Variants in ATP2B4 observed in about 807,000 individuals in gnomAD.
ATP2B4 encodes ATPase plasma membrane Ca2+ transporting 4, also known as plasma membrane calcium-transporting ATPase 4.
Under a neutral mutation model 110.3 loss-of-function variants are expected in ATP2B4, and 39 were observed. That is an observed-to-expected ratio of 0.35 (90% CI 0.27 to 0.46). The LOEUF (loss-of-function observed/expected upper bound fraction) is 0.46. Among genes scored for constraint, ATP2B4 ranks in the 20% least tolerant of loss-of-function variants. The probability of loss-of-function intolerance (pLI) is 1.00; values close to 1 mark genes in which losing one functional copy is unlikely to be tolerated. For missense variants in ATP2B4, 1,135 were observed against 1,530.9 expected (o/e 0.74, Z 4.32); for synonymous variants, 538 against 571.7 (o/e 0.94, Z 0.84).
intron 1 of ATP2B4, among the ~76,000 whole-genome samples, chr1:203,630,242 C>G (rs375114152): frequency 6.6e-6 from 1 of 152,110 alleles, no homozygotes; most frequent in Non-Finnish European, 1.5e-5. Flanking sequence ...CCGAGAGGAA[C>G]GGGGTCTGGG....
chr1:203,664,197 A>G (rs566030065), intron 1 of ATP2B4, among the ~76,000 whole-genome samples: 1 of 152,306 alleles, frequency 6.6e-6, no homozygotes, highest in South Asian at 2.1e-4. Context: ...TCTTGCTGAC[A>G]CCACTTAAAA....
chr1:203,727,521 C>T lies in ATP2B4; in HGVS notation c.3259C>T (p.Arg1087Cys), dbSNP rs771836554. 12 of 1,614,092 alleles carry T rather than the reference C, an allele frequency of 7.4e-6. No individual in the cohort carries two copies. The highest frequency in any genetic ancestry group is 1.0e-5 in the Non-Finnish European group (12 of 1,180,036). Residue 1087 changes from arginine (R) to cysteine (C), a missense_variant, in exon 20 of 21, where the codon CGC (arginine) becomes TGC (cysteine). By Grantham distance (180) the Arg-to-Cys change is radical (BLOSUM62 -3). Coordinates refer to ENST00000357681, the MANE Select transcript of ATP2B4 (RefSeq NM_001684.5). ...GATTGACCATGCTGAGATGGAGCTG[C>T]GCCGAGGCCAGATCCTCTGGTTCCG... Reference protein sequence around the residue: ...DEIDHAEMELRRGQILWFRGL... With the variant: ...DEIDHAEMELCRGQILWFRGL...
intron 6 of ATP2B4, 102 bp from the exon 7 acceptor site, chr1:203,701,942 C>A: frequency 1.6e-6 from 2 of 1,225,814 alleles, no homozygotes; most frequent in Non-Finnish European, 2.4e-6. Flanking sequence ...AACCCAAACA[C>A]TTTGCTGTTG....
chr1:203,699,354 C>T, intron 3 of ATP2B4, 106 bp from the exon 4 acceptor site: 1 of 1,464,408 alleles, frequency 6.8e-7, no homozygotes, highest in Non-Finnish European at 9.3e-7. Context: ...TGCTATTATT[C>T]ACTTTTCCTG....
rs1420577372 is a variant in ATP2B4 at position 203,676,889 on chromosome 1, C to T, written c.-464-5853C>T. 2.6e-5 allele frequency among the ~76,000 whole-genome samples: 4 copies of T among 152,106 alleles called. No homozygotes were observed. In the East Asian group the frequency reaches 7.7e-4, roughly 29 times the overall value. On this transcript the variant is annotated intron_variant, in intron 1 of 20. Coordinates refer to ENST00000357681, the MANE Select transcript of ATP2B4 (RefSeq NM_001684.5). ...AAAAAGCTTTGAGTCTATCCCTATG[C>T]CTTCCCAGAAAGTTTACAAGAGGTA...
intron 1 of ATP2B4, among the ~76,000 whole-genome samples, chr1:203,637,258 C>T (rs1373071000): frequency 2.0e-5 from 3 of 151,968 alleles, no homozygotes; most frequent in South Asian, 2.1e-4. Context: ...GGTGAAGCCC[C>T]GTCTCTACTA....
chr1:203,653,985 A>AT lies in ATP2B4; in HGVS notation c.-465+26781dup, dbSNP rs1218633538. ...AATATATATATATATATATATATAT[A>AT]TTTTTTTTTTTTTTTGAGATGGAGT... On this transcript the variant is annotated intron_variant, in intron 1 of 20. Transcript: ENST00000357681. Among the ~76,000 whole-genome samples the AT allele has an allele frequency of 3.0e-3, 334 of 112,396 alleles. 3 individuals carry two copies. Among genetic ancestry groups the AT allele is most frequent in the African/African-American group, 0.013 (321 of 25,532 alleles). The allele number at this position is 112,396 out of a possible 152,430, so 73.7% of individuals were successfully genotyped here. A position where few individuals can be genotyped will look rare whatever the true frequency, so the allele number is the denominator to read the frequency against.
chr1:203,639,237 A>G (rs941139082), intron 1 of ATP2B4, among the ~76,000 whole-genome samples: 2 of 152,242 alleles, frequency 1.3e-5, no homozygotes, highest in Admixed American at 6.5e-5. Flanking sequence ...ATAATGTGAC[A>G]GCACAGGCTG....
intron 11 of ATP2B4, 68 bp downstream of exon 11, chr1:203,709,610 C>T: frequency 6.3e-7 from 1 of 1,595,282 alleles, no homozygotes; most frequent in Non-Finnish European, 8.6e-7. Context: ...GTGCACACCC[C>T]ACACTGAACC....
At chr1:203,660,022 C>T (rs1664286043) in intron 1 of ATP2B4, among the ~76,000 whole-genome samples, 2 of 149,560 alleles carry the variant, frequency 1.3e-5, no homozygotes, top group Non-Finnish European at 3.0e-5. Context: ...CTGGAGGTTG[C>T]AGTGAGCCAA....
intron 2 of ATP2B4, among the ~76,000 whole-genome samples, chr1:203,691,840 T>A (rs1176702014): frequency 6.6e-6 from 1 of 152,134 alleles, no homozygotes; most frequent in African/African-American, 2.4e-5. Flanking sequence ...CTCCTCCCCC[T>A]CAGTCCCCAA....
intron 2 of ATP2B4, among the ~76,000 whole-genome samples, chr1:203,686,142 A>G (rs7551560): frequency 0.83 from 126,652 of 152,138 alleles, 53,547 homozygotes; most frequent in East Asian, 1. Context: ...TTCTTTATTC[A>G]GTCACTTTTA....
At chr1:203,657,410 C>T (rs1465254133) in intron 1 of ATP2B4, 2 of 759,710 alleles carry the variant, frequency 2.6e-6, no homozygotes, top group African/African-American at 1.7e-5. Flanking sequence ...TTCCCACCTT[C>T]TCTTTTCATT....
intron 1 of ATP2B4, among the ~76,000 whole-genome samples, chr1:203,654,076 C>A (rs750933077): frequency 4.7e-5 from 7 of 149,026 alleles, no homozygotes; most frequent in Non-Finnish European, 1.0e-4. Flanking sequence ...GTCTGCCTCC[C>A]GTGTTCAAGC....
rs771816695 is a variant in ATP2B4 at position 203,698,223 on chromosome 1, C to G, written c.260C>G (p.Pro87Arg). ...RQVFGHNVIP[P>R]KKPKTFLELV... ...GTGTTTGGACACAACGTGATCCCCC[C>G]CAAAAAGCCCAAGACTTTCTTAGAA... Residue 87 changes from proline to arginine, a missense_variant, in exon 3 of 21, where the codon CCC becomes CGC. Physicochemically the swap from Pro to Arg is moderately radical, Grantham distance 103 (BLOSUM62 -2). Transcript: ENST00000357681. 15 of 1,614,082 alleles carry G rather than the reference C, an allele frequency of 9.3e-6. No individual in the cohort carries two copies. The highest frequency in any genetic ancestry group is 1.7e-5 in the Admixed American group (1 of 60,004).
rs2102386456 is a variant in ATP2B4, at chr1:203,700,876, C to T, written c.854C>T (p.Thr285Ile). ...AACTCTCAGACTGGAATCATCCTTA[C>T]TCTCTTGGGGGTCAATGAGGATGAC... ...GVNSQTGIIL[T>I]LLGVNEDDEG... Residue 285 changes from threonine (T) to isoleucine (I), a missense_variant, in exon 6 of 21, where the codon ACT becomes ATT. By Grantham distance (89) the Thr-to-Ile change is moderately conservative. Coordinates refer to ENST00000357681, the MANE Select transcript of ATP2B4 (RefSeq NM_001684.5). The T allele has an allele frequency of 6.2e-7, 1 of 1,613,762 alleles. No individual in the cohort carries two copies. Among genetic ancestry groups the T allele is most frequent in the African/African-American group, 1.3e-5 (1 of 74,964 alleles).
intron 9 of ATP2B4, 95 bp downstream of exon 9, chr1:203,707,318 T>C: frequency 7.8e-7 from 1 of 1,283,342 alleles, no homozygotes; most frequent in East Asian, 2.4e-5. Flanking sequence ...CATTCTATCA[T>C]CTATAAACTT....
chr1:203,660,787 C>A (rs903055976), intron 1 of ATP2B4, among the ~76,000 whole-genome samples: 3 of 144,054 alleles, frequency 2.1e-5, no homozygotes, highest in Admixed American at 2.1e-4. Flanking sequence ...AAGGGTGAGA[C>A]TCTGTCTCAA....
At chr1:203,664,924 C>T (rs1393762650) in intron 1 of ATP2B4, among the ~76,000 whole-genome samples, 5 of 152,198 alleles carry the variant, frequency 3.3e-5, no homozygotes, top group South Asian at 4.2e-4. Context: ...CTCCGCCTCC[C>T]GGGTTCACGC....
Sources: allele counts gnomAD v4.1 joint callset (sites outside exome capture counted in the v4.1 genomes callset), GRCh38; gene constraint gnomAD v4.1.1; transcripts MANE v1.5; gene names NCBI Gene and HGNC (gene_info 2026-07-23, HGNC 2026-07-21).